EMILIN2: variants seen among roughly 807,000 people sequenced by gnomAD.
EMILIN2 encodes the protein EMILIN-2.
A neutral mutation model predicts 87.1 loss-of-function variants in EMILIN2; 71 were observed. The ratio of observed to expected loss-of-function variants is 0.82; its 90% confidence interval spans 0.67 to 0.99. The LOEUF is 0.99. EMILIN2 is among the 50% of genes least tolerant of loss of function. The probability of loss-of-function intolerance (pLI) is 0.00; values close to 1 mark genes in which losing one functional copy is unlikely to be tolerated. For missense variants in EMILIN2, 1,407 were observed against 1,371.8 expected (o/e 1.03, Z -0.40); for synonymous variants, 581 against 563.4 (o/e 1.03, Z -0.44).
intron 2 of EMILIN2, among the ~76,000 whole-genome samples, chr18:2,865,538 A>G (rs1031789154): frequency 2.0e-5 from 3 of 152,240 alleles, no homozygotes; most frequent in South Asian, 2.1e-4. Context: ...ATTGGTGAAC[A>G]GCAAATGTTG....
At chr18:2,846,513 G>A (rs1326076140), upstream of EMILIN2, among the ~76,000 whole-genome samples, 1 of 152,236 alleles carries the variant, frequency 6.6e-6, no homozygotes, top group Non-Finnish European at 1.5e-5. This position sits in a 1 kb window ranked among gnomAD's most constrained non-coding sequence, Gnocchi z 5.3. Context: ...GGCAAAGAAA[G>A]AACCAGCGTT....
At chr18:2,902,635 G>T (rs1458452152) in intron 4 of EMILIN2, among the ~76,000 whole-genome samples, 1 of 152,170 alleles carries the variant, frequency 6.6e-6, no homozygotes, top group African/African-American at 2.4e-5. Flanking sequence ...CAAAGGAGGC[G>T]GGGGACTCAG....
Position 2,913,176 on chromosome 18 carries a change from C to T in EMILIN2, c.2934C>T (p.Ala978=). ...AVLSVSNASV[A]QLHTAGYRRE... is the part of the protein sequence containing the mutation. ...TGTCGGTCTCCAACGCCAGCGTGGCCCAGCTGCATACCGCTGGGTACAGGA... is the reference window on the plus strand; with the variant it reads ...TGTCGGTCTCCAACGCCAGCGTGGCTCAGCTGCATACCGCTGGGTACAGGA... The change falls in exon 8 of 8, where the codon GCC becomes GCT. Residue 978 remains alanine (A), a synonymous_variant. Coordinates refer to ENST00000254528, the MANE Select transcript of EMILIN2 (RefSeq NM_032048.3). 6.2e-7 allele frequency: 1 copy of T among 1,614,004 alleles called. No individual in the cohort carries two copies. Among genetic ancestry groups the T allele is most frequent in the Non-Finnish European group, 8.5e-7 (1 of 1,180,014 alleles).
rs996391507 is a variant in EMILIN2 at position 2,848,004 on chromosome 18, G to A, written c.257+73G>A. The stretch of plus-strand genomic sequence containing the variant: ...GGTGGGGGTGGGGTGGGGTTGCTGC[G>A]CTGGGCTCCAGTCCCTCCGGTAAAT... On this transcript the variant is annotated intron_variant, in intron 2 of 7. Transcript: ENST00000254528. This position sits in a 1 kb window ranked among gnomAD's most constrained non-coding sequence, Gnocchi z 4.1. The A allele has an allele frequency of 2.0e-6, 3 of 1,469,280 alleles. No homozygotes were observed. The highest frequency in any genetic ancestry group is 2.8e-5 in the African/African-American group (2 of 71,084). The allele number at this position is 1,469,280 out of a possible 1,614,324, so 91.0% of individuals were successfully genotyped here. A position where few individuals can be genotyped will look rare whatever the true frequency, so the allele number is the denominator to read the frequency against.
chr18:2,858,555 A>ATGTGTGTG (rs1568454028), intron 2 of EMILIN2, among the ~76,000 whole-genome samples: 5 of 52,302 alleles, frequency 9.6e-5, no homozygotes, highest in African/African-American at 5.8e-4. Flanking sequence ...ATATATATAT[A>ATGTGTGTG]TATATATATA....
chr18:2,909,229 T>C (rs1447714390), intron 6 of EMILIN2, among the ~76,000 whole-genome samples: 4 of 152,164 alleles, frequency 2.6e-5, no homozygotes, highest in African/African-American at 7.2e-5. Context: ...TCCCAGCTCA[T>C]TGAGTTTCCC....
rs1013768458 is a variant in EMILIN2 at position 2,890,168 on chromosome 18, A to G, written c.434-393A>G. On this transcript the variant is annotated intron_variant, in intron 3 of 7. Transcript: ENST00000254528. The surrounding 1 kb of genome is among the most constrained non-coding windows in gnomAD (Gnocchi z 4.7). ...TGGGGTGTGGCTGCAGTTCACTAAT[A>G]TGGGAATGAAGTGTTCATATGATAA... Among the ~76,000 whole-genome samples the G allele has an allele frequency of 2.0e-5, 3 of 152,226 alleles. No individual in the cohort carries two copies. Among genetic ancestry groups the G allele is most frequent in the African/African-American group, 7.2e-5 (3 of 41,466 alleles).
chr18:2,865,537 C>G (rs1008641731), intron 2 of EMILIN2, among the ~76,000 whole-genome samples: 1 of 152,220 alleles, frequency 6.6e-6, no homozygotes, highest in Non-Finnish European at 1.5e-5. Context: ...TATTGGTGAA[C>G]AGCAAATGTT....
intron 2 of EMILIN2, among the ~76,000 whole-genome samples, chr18:2,857,579 T>C (rs2076634341): frequency 6.6e-6 from 1 of 152,196 alleles, no homozygotes; most frequent in Non-Finnish European, 1.5e-5. Context: ...GAGGGGGCGA[T>C]TGCGACAGAA....
intron 4 of EMILIN2, among the ~76,000 whole-genome samples, chr18:2,897,750 T>C (rs1319066109): frequency 1.3e-5 from 2 of 151,828 alleles, no homozygotes; most frequent in African/African-American, 4.8e-5. Flanking sequence ...TGATTCCACC[T>C]ACTTGAGAGG....
At chr18:2,881,935 C>CCGTGGT (rs1005922346) in intron 2 of EMILIN2, among the ~76,000 whole-genome samples, 2 of 152,198 alleles carry the variant, frequency 1.3e-5, no homozygotes, top group African/African-American at 4.8e-5. Flanking sequence ...AATGGGTTGG[C>CCGTGGT]CGAAGTGGGG....
At chr18:2,908,452 C>T (rs1156257006) in intron 5 of EMILIN2, among the ~76,000 whole-genome samples, 1 of 152,236 alleles carries the variant, frequency 6.6e-6, no homozygotes, top group Non-Finnish European at 1.5e-5. Context: ...TGTGCACATC[C>T]TTCCACACAT....
chr18:2,884,371 C>T (rs767095672), intron 2 of EMILIN2, among the ~76,000 whole-genome samples: 1 of 152,084 alleles, frequency 6.6e-6, no homozygotes, highest in East Asian at 1.9e-4. Context: ...CGTGCCTCAG[C>T]GGTAGCTGGG....
chr18:2,851,762 G>A (rs1165910274), intron 2 of EMILIN2, among the ~76,000 whole-genome samples: 2 of 152,164 alleles, frequency 1.3e-5, no homozygotes, highest in Admixed American at 1.3e-4. Context: ...TTATATAAGT[G>A]GGCATTTTAA....
intron 2 of EMILIN2, among the ~76,000 whole-genome samples, chr18:2,873,049 T>TA (rs954467493): frequency 0.017 from 2,232 of 131,372 alleles, 58 homozygotes; most frequent in African/African-American, 0.059. Flanking sequence ...TTATGTGATT[T>TA]AAAAAAAAAA....
chr18:2,912,378 T>A (rs747822734), intron 7 of EMILIN2, among the ~76,000 whole-genome samples: 6 of 152,172 alleles, frequency 3.9e-5, no homozygotes, highest in Non-Finnish European at 8.8e-5. Context: ...CTCCGCTTTA[T>A]GTCCACTCTT....
chr18:2,847,307 C>T lies in EMILIN2; in HGVS notation c.119C>T (p.Pro40Leu). The change falls in exon 1 of 8, where the codon CCC (proline) becomes CTC (leucine). Residue 40 changes from proline to leucine, a missense_variant. Transcript: ENST00000254528. This position sits in a 1 kb window ranked among gnomAD's most constrained non-coding sequence, Gnocchi z 4.5. The stretch of plus-strand genomic sequence containing the variant: ...CCGCAGCCCGGGTATCCCGCGCGGC[C>T]CAGCGCCAGGAACAAGTAAGTGCGC... ...AGPQPGYPAR[P>L]SARNKNWCAY... is the part of the protein sequence containing the mutation. 3.8e-6 allele frequency: 5 copies of T among 1,319,276 alleles called. No individual in the cohort carries two copies. The highest frequency in any genetic ancestry group is 2.9e-4 in the Middle Eastern group (1 of 3,454). 81.7% of individuals were successfully genotyped at this position (1,319,276 alleles called of 1,614,324 possible). A position where few individuals can be genotyped will look rare whatever the true frequency, so the allele number is the denominator to read the frequency against.
At position 2,890,071 on chromosome 18, in the gene EMILIN2, C is replaced by A. The variant is rs1223815628; in HGVS notation, c.434-490C>A. Among the ~76,000 whole-genome samples the A allele has an allele frequency of 1.3e-5, 2 of 152,172 alleles. No individual in the cohort carries two copies. On this transcript the variant is annotated intron_variant, in intron 3 of 7. Coordinates refer to ENST00000254528, the MANE Select transcript of EMILIN2 (RefSeq NM_032048.3). The surrounding 1 kb of genome is among the most constrained non-coding windows in gnomAD (Gnocchi z 4.7). The stretch of plus-strand genomic sequence containing the variant: ...CAGAAAATATGATATCATATGATAT[C>A]ACCATCCAACAGCTAATGGGTGGAT...
chr18:2,902,071 GTAATGGATATATTA>G (rs1456584075), intron 4 of EMILIN2, among the ~76,000 whole-genome samples: 1 of 152,210 alleles, frequency 6.6e-6, no homozygotes, highest in Non-Finnish European at 1.5e-5. Context: ...TGTTGAGGGT[GTAATGGATATATTA>G]AAATGGATTA....
Sources: allele counts gnomAD v4.1 joint callset (sites outside exome capture counted in the v4.1 genomes callset), GRCh38; gene constraint gnomAD v4.1.1; non-coding constraint Gnocchi (gnomAD v3.1); transcripts MANE v1.5; gene names NCBI Gene and HGNC (gene_info 2026-07-23, HGNC 2026-07-21).